Variants in CNTNAP3B observed in about 807,000 individuals in gnomAD.
The protein encoded by CNTNAP3B is contactin associated protein family member 3B.
CNTNAP3B carries 25 observed loss-of-function variants against 108.9 expected under a neutral mutation model. The observed-to-expected ratio is 0.23, with a 90% confidence interval of 0.17 to 0.32. The LOEUF (loss-of-function observed/expected upper bound fraction) is 0.32. CNTNAP3B is among the 10% of genes least tolerant of loss of function. The probability of loss-of-function intolerance (pLI) is 1.00; values close to 1 mark genes in which losing one functional copy is unlikely to be tolerated. For missense variants in CNTNAP3B, 252 were observed against 1,210.4 expected (o/e 0.21, Z 11.75); for synonymous variants, 103 against 473.4 (o/e 0.22, Z 10.16).
chr9:42,126,692 C>G (rs1209103778), intron 1 of CNTNAP3B, among the ~76,000 whole-genome samples: 2 of 135,574 alleles, frequency 1.5e-5, no homozygotes, highest in Admixed American at 7.4e-5. Flanking sequence ...GCCTCAGCCT[C>G]CCGAGTAGCT....
In CNTNAP3B at chr9:41,973,056, G is replaced by T. The variant is rs1240610710; in HGVS notation, c.1478-2811C>A. On this transcript the variant is annotated intron_variant, in intron 9 of 23. Transcript: ENST00000377561. Reference sequence around the variant, plus strand: ...AGGTTCACAGCATTCTCCTGCCTCAGCCTCCCGAGTGGCTGGGACTACAGA... The same window carrying T: ...AGGTTCACAGCATTCTCCTGCCTCATCCTCCCGAGTGGCTGGGACTACAGA... Among the ~76,000 whole-genome samples, 3 of 136,940 alleles carry T rather than the reference G, an allele frequency of 2.2e-5. No homozygotes were observed. The Admixed American group carries it at 2.2e-4, about 10-fold the overall frequency. The allele number at this position is 136,940 out of a possible 152,430, so 89.8% of individuals were successfully genotyped here.
At chr9:41,942,597 C>T (rs1473261840) in intron 13 of CNTNAP3B, among the ~76,000 whole-genome samples, 1 of 148,914 alleles carries the variant, frequency 6.7e-6, no homozygotes, top group Non-Finnish European at 1.5e-5. Flanking sequence ...GGCTACAGAG[C>T]GAGACTCTCT....
intron 14 of CNTNAP3B, among the ~76,000 whole-genome samples, chr9:41,935,925 C>T (rs1174556624): frequency 6.6e-6 from 1 of 152,290 alleles, no homozygotes; most frequent in African/African-American, 2.4e-5. Context: ...ACCTCAGTTC[C>T]TCCCATCCCC....
intron 2 of CNTNAP3B, among the ~76,000 whole-genome samples, chr9:42,097,041 T>C (rs1477271492): frequency 7.2e-6 from 1 of 138,700 alleles, no homozygotes; most frequent in African/African-American, 2.9e-5. Context: ...CGTGAACCAC[T>C]GTGCCCGGTC....
In CNTNAP3B at chr9:42,012,005, A is replaced by G. The variant is rs1170822989; in HGVS notation, c.538+1373T>C. Among the ~76,000 whole-genome samples, 9 of 97,768 alleles carry G rather than the reference A, an allele frequency of 9.2e-5. 2 individuals are homozygous for G. The highest frequency in any genetic ancestry group is 8.4e-4 in the Admixed American group (8 of 9,580). 64.1% of individuals were successfully genotyped at this position (97,768 alleles called of 152,430 possible). On this transcript the variant is annotated intron_variant, in intron 4 of 23. Coordinates refer to ENST00000377561, the MANE Select transcript of CNTNAP3B (RefSeq NM_001201380.3). The stretch of plus-strand genomic sequence containing the variant: ...TAACGGTGCCAGCAGATTGCATGGC[A>G]GCTGCACCGCCCACCGGCCCTTCCT...
chr9:41,944,357 A>T (rs1232113238), intron 13 of CNTNAP3B, among the ~76,000 whole-genome samples: 8 of 145,342 alleles, frequency 5.5e-5, no homozygotes, highest in South Asian at 2.2e-4. Flanking sequence ...TTGGGTGATT[A>T]TGGCTTATGA....
At chr9:41,965,143 C>T (rs1192820883) in intron 10 of CNTNAP3B, among the ~76,000 whole-genome samples, 46 of 152,370 alleles carry the variant, frequency 3.0e-4, no homozygotes, top group African/African-American at 9.6e-4. Context: ...AATAAGCAGT[C>T]GGTTATTGCT....
At chr9:41,913,748 A>T (rs1490030324) in intron 18 of CNTNAP3B, among the ~76,000 whole-genome samples, 1 of 129,676 alleles carries the variant, frequency 7.7e-6, no homozygotes, top group African/African-American at 3.2e-5. Flanking sequence ...GATATCTAGT[A>T]AACATGAAGT....
intron 3 of CNTNAP3B, among the ~76,000 whole-genome samples, chr9:42,016,708 T>C (rs1826221990): frequency 1.3e-5 from 2 of 152,042 alleles, no homozygotes; most frequent in African/African-American, 4.8e-5. Flanking sequence ...AGTGAGAGTA[T>C]ACAGAATAGT....
rs1165657154 is a variant in CNTNAP3B at position 42,098,981 on chromosome 9, C to A, written c.196+5648G>T. 2.2e-5 allele frequency among the ~76,000 whole-genome samples: 3 copies of A among 136,942 alleles called. 1 individual carries two copies. Among genetic ancestry groups the A allele is most frequent in the Non-Finnish European group, 4.7e-5 (3 of 64,388 alleles). The allele number at this position is 136,942 out of a possible 152,430, so 89.8% of individuals were successfully genotyped here. A position where few individuals can be genotyped will look rare whatever the true frequency, so the allele number is the denominator to read the frequency against. On this transcript the variant is annotated intron_variant, in intron 2 of 23. Transcript: ENST00000377561. ...TCCGAAGGGCTGGTGCACCCAGAGT[C>A]GTGGCTAGGTTGTGTGCAGCACAAA...
chr9:41,934,125 A>ATATATATATATATATATT, intron 14 of CNTNAP3B, among the ~76,000 whole-genome samples: 1 of 60,986 alleles, frequency 1.6e-5, no homozygotes, highest in Non-Finnish European at 3.1e-5. Context: ...ATATATATAC[A>ATATATATATATATATATT]CACACATATA....
chr9:42,079,653 C>T lies in CNTNAP3B; in HGVS notation c.197-2591G>A, dbSNP rs556364516. Among the ~76,000 whole-genome samples the T allele has an allele frequency of 4.0e-4, 54 of 135,978 alleles. No individual in the cohort carries two copies. The East Asian group carries it at 9.1e-3, about 23-fold the overall frequency. 89.2% of individuals were successfully genotyped at this position (135,978 alleles called of 152,430 possible). ...TCTCCTGCCTCAGCCACCCAAGTAG[C>T]CGGGATTACAGGTACATGCCACCAC... is the stretch of plus-strand genomic sequence containing the variant. On this transcript the variant is annotated intron_variant, in intron 2 of 23. Transcript: ENST00000377561.
At position 42,122,344 on chromosome 9, in the gene CNTNAP3B, T is replaced by C. The variant is rs1828480573; in HGVS notation, c.85+6666A>G. On this transcript the variant is annotated intron_variant, in intron 1 of 23. Transcript: ENST00000377561. ...AAAAGAGATAAATTAGTTACTTTCT[T>C]AAAGCTAAGCAACATCATTTTCTAT... Among the ~76,000 whole-genome samples, 3 of 138,510 alleles carry C rather than the reference T, an allele frequency of 2.2e-5. 1 individual carries two copies. Among genetic ancestry groups the C allele is most frequent in the Non-Finnish European group, 4.6e-5 (3 of 64,786 alleles). 90.9% of individuals were successfully genotyped at this position (138,510 alleles called of 152,430 possible). A position where few individuals can be genotyped will look rare whatever the true frequency, so the allele number is the denominator to read the frequency against.
intron 18 of CNTNAP3B, among the ~76,000 whole-genome samples, chr9:41,918,061 C>G (rs1448533175): frequency 6.6e-6 from 1 of 152,390 alleles, no homozygotes; most frequent in East Asian, 1.9e-4. Flanking sequence ...ATAATTTTTA[C>G]TAGTTATGCC....
chr9:42,094,417 A>T (rs28705224), intron 2 of CNTNAP3B, among the ~76,000 whole-genome samples: 1,793 of 123,284 alleles, frequency 0.015, 252 homozygotes, highest in South Asian at 0.06. Flanking sequence ...CATTTTGGGA[A>T]GCTGAGGTGG....
rs538494471 is a variant in CNTNAP3B, at chr9:42,113,476, G to A, written c.86-8737C>T. Among the ~76,000 whole-genome samples, 3 of 139,846 alleles carry A rather than the reference G, an allele frequency of 2.1e-5. 1 individual carries two copies. Among genetic ancestry groups the A allele is most frequent in the African/African-American group, 8.5e-5 (3 of 35,444 alleles). 91.7% of individuals were successfully genotyped at this position (139,846 alleles called of 152,430 possible). On this transcript the variant is annotated intron_variant, in intron 1 of 23. Coordinates refer to ENST00000377561, the MANE Select transcript of CNTNAP3B (RefSeq NM_001201380.3). ...TTTGAGACTTACTGCTAAGTAGAAA[G>A]AGAGGAAACCAAATAACAAAATTAA... is the stretch of plus-strand genomic sequence containing the variant.
At chr9:42,063,885 C>G (rs28853310) in intron 3 of CNTNAP3B, among the ~76,000 whole-genome samples, 1 of 150,060 alleles carries the variant, frequency 6.7e-6, no homozygotes, top group Non-Finnish European at 1.5e-5. Context: ...TGACACCCAG[C>G]CTATTGTTTC....
chr9:41,939,120 G>A lies in CNTNAP3B; in HGVS notation c.2081-720C>T, dbSNP rs1824250857. ...CTATAGAACTGCATATTAGGACAAG[G>A]GATGCTGCCAGGGGTTGGGAGTGAA... is the stretch of plus-strand genomic sequence containing the variant. On this transcript the variant is annotated intron_variant, in intron 13 of 23. Coordinates refer to ENST00000377561, the MANE Select transcript of CNTNAP3B (RefSeq NM_001201380.3). Among the ~76,000 whole-genome samples the A allele has an allele frequency of 3.9e-5, 6 of 152,410 alleles. No individual in the cohort carries two copies. The South Asian group carries it at 1.0e-3, about 26-fold the overall frequency.
intron 14 of CNTNAP3B, among the ~76,000 whole-genome samples, chr9:41,934,448 T>C (rs1312173661): frequency 2.0e-3 from 298 of 152,226 alleles, no homozygotes; most frequent in African/African-American, 6.2e-3. Context: ...GTCTCGATCT[T>C]CTGACCTTGT....
Sources: gnomAD v4.1 joint callset for allele counts (sites outside exome capture counted in the v4.1 genomes callset) on GRCh38, gnomAD v4.1.1 for gene constraint, MANE v1.5 for transcripts, NCBI Gene and HGNC (gene_info 2026-07-23, HGNC 2026-07-21) for gene names.